QSER1: variants seen among roughly 807,000 people sequenced by gnomAD.
The protein encoded by QSER1 is glutamine and serine rich 1.
QSER1 carries 49 observed loss-of-function variants against 158.5 expected under a neutral mutation model. The ratio of observed to expected loss-of-function variants is 0.31; its 90% confidence interval spans 0.25 to 0.39. The LOEUF is 0.39. Ranked by LOEUF, QSER1 falls within the 10% of genes least tolerant of loss-of-function variation. QSER1 has a pLI of 1.00. For synonymous variants in QSER1, 650 were observed against 715.5 expected, an observed-to-expected ratio of 0.91 and a Z score of 1.46; for missense variants, 1,754 against 2,010.3, an observed-to-expected ratio of 0.87 and a Z score of 2.44.
intron 1 of QSER1, among the ~76,000 whole-genome samples, chr11:32,899,958 T>G (rs1851604258): frequency 1.3e-5 from 2 of 152,172 alleles, no homozygotes; most frequent in Non-Finnish European, 2.9e-5. Context: ...AACCTGGGCC[T>G]CCTCTAGCCT....
At chr11:32,961,059 T>C (rs999756124) in intron 8 of QSER1, among the ~76,000 whole-genome samples, 4 of 152,156 alleles carry the variant, frequency 2.6e-5, no homozygotes, top group South Asian at 2.1e-4. Flanking sequence ...CTTATTAATG[T>C]GAGGTGTTTT....
chr11:32,974,990 G>A (rs1852946358), intron 11 of QSER1, among the ~76,000 whole-genome samples: 1 of 151,996 alleles, frequency 6.6e-6, no homozygotes, highest in Non-Finnish European at 1.5e-5. Flanking sequence ...CATCTCATAT[G>A]TTTATTGTTT....
chr11:32,953,354 T>C (rs1018828426), intron 4 of QSER1, among the ~76,000 whole-genome samples: 2 of 151,974 alleles, frequency 1.3e-5, no homozygotes, highest in South Asian at 2.1e-4. Flanking sequence ...TCTTTATTTT[T>C]ATTATTATTA....
chr11:32,934,662 A>C lies in QSER1; in HGVS notation c.3404A>C (p.Glu1135Ala), dbSNP rs1852112936. ...DSTLNNNRNQ[E>A]FVSSSRSISG... is the part of the protein sequence containing the mutation. The stretch of plus-strand genomic sequence containing the variant: ...ACATTAAATAATAACAGAAACCAAG[A>C]GTTTGTTTCTAGTAGTAGAAGTATA... Residue 1135 changes from glutamate to alanine, a missense_variant, in exon 4 of 13, where the codon GAG becomes GCG. Physicochemically the swap from Glu to Ala is moderately radical, Grantham distance 107. This residue lies in a region of QSER1 where 1,707 missense variants were observed against 1,919.6 expected (regional missense o/e 0.89). Coordinates refer to ENST00000650167, the MANE Select transcript of QSER1 (RefSeq NM_001076786.3). 5.0e-6 allele frequency: 8 copies of C among 1,613,736 alleles called. No homozygotes were observed. Among genetic ancestry groups the C allele is most frequent in the Non-Finnish European group, 6.8e-6 (8 of 1,179,838 alleles).
chr11:32,921,043 T>G (rs918518411), intron 1 of QSER1, among the ~76,000 whole-genome samples: 1 of 152,144 alleles, frequency 6.6e-6, no homozygotes, highest in Non-Finnish European at 1.5e-5. Flanking sequence ...TACAAAAACT[T>G]GTACATGAAT....
intron 1 of QSER1, among the ~76,000 whole-genome samples, chr11:32,895,556 T>C (rs968404811): frequency 2.6e-5 from 4 of 152,230 alleles, no homozygotes; most frequent in Admixed American, 6.5e-5. Context: ...AAAAAGCTTT[T>C]TCATAATGCA....
At chr11:32,912,495 C>T (rs948386920) in intron 1 of QSER1, among the ~76,000 whole-genome samples, 1 of 152,082 alleles carries the variant, frequency 6.6e-6, no homozygotes, top group Non-Finnish European at 1.5e-5. Context: ...TCAAAGTGAA[C>T]TTATAGGGTC....
At chr11:32,902,804 T>A (rs371136275) in intron 1 of QSER1, among the ~76,000 whole-genome samples, 57 of 152,346 alleles carry the variant, frequency 3.7e-4, no homozygotes, top group African/African-American at 1.3e-3. Flanking sequence ...TTTATAGTGT[T>A]ATCTCATTTA....
At chr11:32,976,304 T>C in intron 12 of QSER1, 30 bp from the exon 13 acceptor site, 1 of 1,557,494 alleles carries the variant, frequency 6.4e-7, no homozygotes, top group Non-Finnish European at 8.7e-7. Context: ...GTGATAAGTA[T>C]AAGCTAATTT....
At chr11:32,906,072 A>G (rs115077757) in intron 1 of QSER1, among the ~76,000 whole-genome samples, 24 of 136,766 alleles carry the variant, frequency 1.8e-4, no homozygotes, top group African/African-American at 6.6e-4. Flanking sequence ...CTTAAAGTTG[A>G]TTTTCTCTAC....
At chr11:32,906,758 G>C (rs1471161785) in intron 1 of QSER1, among the ~76,000 whole-genome samples, 2 of 152,052 alleles carry the variant, frequency 1.3e-5, no homozygotes, top group African/African-American at 2.4e-5. Context: ...CAAATTTAGA[G>C]AGAAAAGTAT....
chr11:32,952,075 G>A (rs1304239262), intron 4 of QSER1, among the ~76,000 whole-genome samples: 2 of 151,898 alleles, frequency 1.3e-5, no homozygotes, highest in East Asian at 1.9e-4. Context: ...CCTGATCTCA[G>A]GTCATCCGCC....
intron 4 of QSER1, among the ~76,000 whole-genome samples, chr11:32,937,247 T>C (rs1852165385): frequency 6.6e-6 from 1 of 152,204 alleles, no homozygotes; most frequent in Non-Finnish European, 1.5e-5. Context: ...ACTTGGACTA[T>C]TGCAACTGAT....
rs1852716694 is a variant in QSER1, at chr11:32,965,182, G to C, written c.4970-1118G>C. 2.0e-5 allele frequency among the ~76,000 whole-genome samples: 3 copies of C among 152,084 alleles called. No individual in the cohort carries two copies. In the South Asian group the frequency reaches 6.2e-4, roughly 32 times the overall value. ...GCTTGAGTGCAGTGGCGCAGTCACA[G>C]TTCTCTGCAGTCTCAACCTCCGGGA... On this transcript the variant is annotated intron_variant, in intron 8 of 12. Coordinates refer to ENST00000650167, the MANE Select transcript of QSER1 (RefSeq NM_001076786.3).
intron 8 of QSER1, among the ~76,000 whole-genome samples, chr11:32,959,894 T>C (rs959556399): frequency 5.3e-5 from 8 of 152,086 alleles, no homozygotes; most frequent in African/African-American, 1.7e-4. Context: ...CCTGAGTAGC[T>C]GGGACTACAG....
chr11:32,918,024 G>T (rs1231464440), intron 1 of QSER1, among the ~76,000 whole-genome samples: 1 of 151,956 alleles, frequency 6.6e-6, no homozygotes, highest in Non-Finnish European at 1.5e-5. Context: ...AATTAGCATG[G>T]AGTGACCTAC....
intron 8 of QSER1, among the ~76,000 whole-genome samples, chr11:32,964,737 T>TAC (rs1305249922): frequency 2.6e-4 from 29 of 113,026 alleles, no homozygotes; most frequent in African/African-American, 9.7e-4. Context: ...TATATATATA[T>TAC]ATACACACAC....
chr11:32,952,704 C>A (rs1243037059), intron 4 of QSER1, among the ~76,000 whole-genome samples: 1 of 149,006 alleles, frequency 6.7e-6, no homozygotes, highest in African/African-American at 2.5e-5. Context: ...TCCAGTGAAG[C>A]CATATGGGCC....
chr11:32,972,321 AC>A, intron 10 of QSER1, among the ~76,000 whole-genome samples: 1 of 152,272 alleles, frequency 6.6e-6, no homozygotes. Context: ...AAATGTTGCC[AC>A]AAGTATCATT....
Sources: gnomAD v4.1 joint callset for allele counts (sites outside exome capture counted in the v4.1 genomes callset) on GRCh38, gnomAD v4.1.1 for gene constraint, gnomAD v4.1.1 regional missense constraint, MANE v1.5 for transcripts, NCBI Gene and HGNC (gene_info 2026-07-23, HGNC 2026-07-21) for gene names.